RANBP9: variants seen among roughly 807,000 people sequenced by gnomAD.
The protein encoded by RANBP9 is ran-binding protein 9.
In RANBP9, 15 loss-of-function variants were observed where a neutral mutation model predicts 84.3. The observed-to-expected ratio is 0.18, with a 90% confidence interval of 0.12 to 0.27. The LOEUF (loss-of-function observed/expected upper bound fraction) is 0.27, where lower values mean the gene tolerates loss of function less well. Among genes scored for constraint, RANBP9 ranks in the 10% least tolerant of loss-of-function variants. RANBP9 has a pLI of 1.00. For missense variants in RANBP9, 809 were observed against 912.8 expected (o/e 0.89, Z 1.46); for synonymous variants, 392 against 349.6 (o/e 1.12, Z -1.35).
At chr6:13,642,657 A>AT in intron 6 of RANBP9, 66 bp from the exon 7 acceptor site, 1 of 1,106,750 alleles carries the variant, frequency 9.0e-7, no homozygotes, top group South Asian at 1.5e-5. Context: ...ACTACAATTT[A>AT]TATAAACAAA....
At chr6:13,660,485 C>G (rs1273666525) in intron 2 of RANBP9, among the ~76,000 whole-genome samples, 2 of 152,022 alleles carry the variant, frequency 1.3e-5, no homozygotes, top group Non-Finnish European at 2.9e-5. Context: ...TGCACTCCAC[C>G]CTGAGTGATA....
chr6:13,645,156 T>A (rs932645738), intron 5 of RANBP9, among the ~76,000 whole-genome samples: 2 of 152,182 alleles, frequency 1.3e-5, no homozygotes, highest in Non-Finnish European at 2.9e-5. Context: ...CTAGTTATCA[T>A]AAAAGTATGA....
chr6:13,679,546 T>C (rs1471159933), intron 2 of RANBP9, among the ~76,000 whole-genome samples: 1 of 152,206 alleles, frequency 6.6e-6, no homozygotes, highest in Admixed American at 6.5e-5. Context: ...AAACAACATA[T>C]TCTACTTTTC....
intron 3 of RANBP9, among the ~76,000 whole-genome samples, chr6:13,657,643 C>T (rs922937932): frequency 2.0e-5 from 3 of 152,128 alleles, no homozygotes; most frequent in South Asian, 4.1e-4. Flanking sequence ...TTTTATATAA[C>T]ATAAGAGATT....
Position 13,696,908 on chromosome 6 carries a change from C to G in RANBP9, c.572-12G>C. 10 of 1,593,168 alleles carry G rather than the reference C, an allele frequency of 6.3e-6. No individual in the cohort carries two copies. Among genetic ancestry groups the G allele is most frequent in the Non-Finnish European group, 8.6e-6 (10 of 1,167,266 alleles). ...GGTTTTGCCATGACCTGCATAGAAA[C>G]AGGAAGGAAAAAAGAAGTCACATGA... On this transcript the variant is annotated splice_polypyrimidine_tract_variant and intron_variant, in intron 1 of 13. Transcript: ENST00000011619.
Position 13,711,304 on chromosome 6 carries a change from G to C in RANBP9, c.202C>G (p.Leu68Val). The C allele has an allele frequency of 9.6e-7, 1 of 1,042,204 alleles. No homozygotes were observed. The allele number at this position is 1,042,204 out of a possible 1,614,324, so 64.6% of individuals were successfully genotyped here. ...GGCGGCGGCGGCGGAGGGTGGAGGA[G>C]CAGGGCGGCCGCCGCGGCCCCTAAG... is the stretch of plus-strand genomic sequence containing the variant. ...EGLGAAAAAL[L>V]LHPPPPPPPA... Residue 68 changes from leucine (L) to valine (V), a missense_variant, in exon 1 of 14, where the codon CTC (leucine) becomes GTC (valine). Transcript: ENST00000011619.
intron 2 of RANBP9, among the ~76,000 whole-genome samples, chr6:13,684,853 T>G (rs1245275932): frequency 6.6e-6 from 1 of 152,210 alleles, no homozygotes; most frequent in Non-Finnish European, 1.5e-5. Context: ...GTGAAAAGGC[T>G]GTCAAGACAG....
intron 1 of RANBP9, among the ~76,000 whole-genome samples, chr6:13,705,397 A>G (rs907811629): frequency 8.8e-5 from 9 of 102,028 alleles, no homozygotes; most frequent in African/African-American, 3.5e-4. Flanking sequence ...ACAGAGCAAG[A>G]TTCTGTCTCA....
chr6:13,642,309 A>G (rs1765086484), intron 7 of RANBP9, among the ~76,000 whole-genome samples, 170 bp downstream of exon 7: 2 of 152,164 alleles, frequency 1.3e-5, no homozygotes, highest in Admixed American at 6.5e-5. Flanking sequence ...TCCTATGTGA[A>G]TTTTTAAACT....
chr6:13,622,726 C>CT (rs1764485903), intron 13 of RANBP9, among the ~76,000 whole-genome samples: 1 of 152,122 alleles, frequency 6.6e-6, no homozygotes, highest in South Asian at 2.1e-4. Flanking sequence ...CAGAATCAGA[C>CT]TTTTAAAGTA....
At chr6:13,653,482 A>G (rs139886209) in intron 4 of RANBP9, among the ~76,000 whole-genome samples, 1 of 152,176 alleles carries the variant, frequency 6.6e-6, no homozygotes, top group South Asian at 2.1e-4. Flanking sequence ...ATGGGAGAGC[A>G]GTATTGGTGA....
At chr6:13,656,357 A>G (rs1460675735) in intron 4 of RANBP9, among the ~76,000 whole-genome samples, 1 of 152,054 alleles carries the variant, frequency 6.6e-6, no homozygotes, top group East Asian at 1.9e-4. Flanking sequence ...TTTTTTATAA[A>G]ACAAAAAGCA....
At chr6:13,659,242 CCA>C (rs1340419495) in intron 2 of RANBP9, among the ~76,000 whole-genome samples, 22 of 105,782 alleles carry the variant, frequency 2.1e-4, no homozygotes, top group East Asian at 1.6e-3. Flanking sequence ...AATTTAGACC[CCA>C]CACACACACA....
rs1431261576 is a variant in RANBP9 at position 13,711,434 on chromosome 6, C to G, written c.72G>C (p.Pro24=). ...CTCCGGAGACTGGGGCCAAGGCCGCCGGCGGTGGCGGCGACAGCTGCTGCT... is the reference window on the plus strand; with the variant it reads ...CTCCGGAGACTGGGGCCAAGGCCGCGGGCGGTGGCGGCGACAGCTGCTGCT... ...QQQQQLSPPP[P]AALAPVSGVV... Residue 24 remains proline, a synonymous_variant, in exon 1 of 14, where the codon CCG becomes CCC. Transcript: ENST00000011619. 3 of 1,197,678 alleles carry G rather than the reference C, an allele frequency of 2.5e-6. No individual in the cohort carries two copies. Among genetic ancestry groups the G allele is most frequent in the African/African-American group, 3.2e-5 (2 of 62,946 alleles). 74.2% of individuals were successfully genotyped at this position (1,197,678 alleles called of 1,614,324 possible). A position where few individuals can be genotyped will look rare whatever the true frequency, so the allele number is the denominator to read the frequency against.
At chr6:13,660,800 T>C (rs1765524265) in intron 2 of RANBP9, among the ~76,000 whole-genome samples, 1 of 152,104 alleles carries the variant, frequency 6.6e-6, no homozygotes, top group Non-Finnish European at 1.5e-5. Flanking sequence ...AAACAACACA[T>C]AGATGTCTAG....
At chr6:13,633,892 A>G (rs1014274036) in intron 11 of RANBP9, among the ~76,000 whole-genome samples, 7 of 152,090 alleles carry the variant, frequency 4.6e-5, no homozygotes, top group African/African-American at 1.7e-4. Context: ...TCTACAAAAT[A>G]AAATTATGCA....
chr6:13,697,297 T>C (rs928208093), intron 1 of RANBP9, among the ~76,000 whole-genome samples: 1 of 152,250 alleles, frequency 6.6e-6, no homozygotes, highest in Non-Finnish European at 1.5e-5. Flanking sequence ...TGTACACTCT[T>C]GCCAAAGTCC....
chr6:13,690,626 C>CTA (rs1289371109), intron 2 of RANBP9, among the ~76,000 whole-genome samples: 1 of 152,092 alleles, frequency 6.6e-6, no homozygotes, highest in Non-Finnish European at 1.5e-5. Context: ...GTTTGAAGAG[C>CTA]TAAAAATACC....
At position 13,634,745 on chromosome 6, in the gene RANBP9, A is replaced by G. The variant is rs753872184; in HGVS notation, c.1674-193T>C. 1.6e-4 allele frequency among the ~76,000 whole-genome samples: 24 copies of G among 152,240 alleles called. No individual in the cohort carries two copies. In the South Asian group the frequency reaches 1.9e-3, roughly 12 times the overall value. Reference sequence around the variant, plus strand: ...TGTCGCTGACTTTTAACAAATTTGTACCCCCGGAGGTAAGGGAGGAAAAAA... The same window carrying G: ...TGTCGCTGACTTTTAACAAATTTGTGCCCCCGGAGGTAAGGGAGGAAAAAA... On this transcript the variant is annotated intron_variant, in intron 10 of 13. Transcript: ENST00000011619.
Sources: gnomAD v4.1 joint callset for allele counts (sites outside exome capture counted in the v4.1 genomes callset) on GRCh38, gnomAD v4.1.1 for gene constraint, MANE v1.5 for transcripts, NCBI Gene and HGNC (gene_info 2026-07-23, HGNC 2026-07-21) for gene names.